Variants in RALGAPA2 observed in about 807,000 individuals in gnomAD.
RALGAPA2 encodes ral GTPase-activating protein subunit alpha-2.
Under a neutral mutation model 230.4 loss-of-function variants are expected in RALGAPA2, and 139 were observed. The observed-to-expected ratio is 0.60, with a 90% CI of 0.53 to 0.69. RALGAPA2 has a LOEUF of 0.69. Among genes scored for constraint, RALGAPA2 ranks in the 30% least tolerant of loss-of-function variants. The pLI, the probability that RALGAPA2 is intolerant of heterozygous loss-of-function variation, is 0.00. For missense variants in RALGAPA2, 2,163 were observed against 2,276.0 expected (o/e 0.95, Z 1.01); for synonymous variants, 847 against 837.8 (o/e 1.01, Z -0.19).
intron 37 of RALGAPA2, among the ~76,000 whole-genome samples, chr20:20,443,073 T>C (rs2060775247): frequency 6.6e-6 from 1 of 152,246 alleles, no homozygotes; most frequent in Admixed American, 6.5e-5. Context: ...TTTAAAGCAT[T>C]CTGACTAAAA....
chr20:20,441,439 C>T (rs1335065570), intron 37 of RALGAPA2, among the ~76,000 whole-genome samples: 1 of 152,208 alleles, frequency 6.6e-6, no homozygotes, highest in African/African-American at 2.4e-5. Flanking sequence ...GCTAGAATGT[C>T]ACCTTGCCCT....
chr20:20,516,284 TG>T (rs1421125305), intron 31 of RALGAPA2, among the ~76,000 whole-genome samples: 1 of 152,168 alleles, frequency 6.6e-6, no homozygotes, highest in Non-Finnish European at 1.5e-5. Context: ...CATAAACTTG[TG>T]GGAGCTTTAC....
chr20:20,659,531 T>A (rs2067698606), intron 3 of RALGAPA2, among the ~76,000 whole-genome samples: 1 of 152,146 alleles, frequency 6.6e-6, no homozygotes, highest in Non-Finnish European at 1.5e-5. Context: ...TACAGATTAA[T>A]CAAAATAATC....
chr20:20,708,871 A>G (rs1433730694), intron 1 of RALGAPA2, among the ~76,000 whole-genome samples: 3 of 152,194 alleles, frequency 2.0e-5, no homozygotes, highest in African/African-American at 7.2e-5. Context: ...TAGGACTCAT[A>G]GTAAGCACTC....
intron 37 of RALGAPA2, among the ~76,000 whole-genome samples, chr20:20,416,007 C>G (rs975753567): frequency 6.6e-6 from 1 of 152,136 alleles, no homozygotes; most frequent in South Asian, 2.1e-4. Flanking sequence ...TCTCAGCTGC[C>G]CTTTTCCCTG....
At chr20:20,431,385 A>G (rs1240516167) in intron 37 of RALGAPA2, among the ~76,000 whole-genome samples, 5 of 152,208 alleles carry the variant, frequency 3.3e-5, no homozygotes, top group Admixed American at 1.3e-4. Flanking sequence ...CACAGCACAG[A>G]GATCTGTACA....
At chr20:20,410,423 A>T (rs1021841272) in intron 38 of RALGAPA2, among the ~76,000 whole-genome samples, 1 of 152,246 alleles carries the variant, frequency 6.6e-6, no homozygotes, top group East Asian at 1.9e-4. Context: ...CTTTCTCAAG[A>T]GTTAAACAAA....
chr20:20,568,854 T>C (rs2064534095), intron 23 of RALGAPA2, among the ~76,000 whole-genome samples: 1 of 152,204 alleles, frequency 6.6e-6, no homozygotes, highest in Admixed American at 6.5e-5. Flanking sequence ...CTGATAATGT[T>C]CAATTTTAAA....
intron 1 of RALGAPA2, among the ~76,000 whole-genome samples, chr20:20,711,750 T>C (rs972465570): frequency 2.6e-5 from 4 of 151,958 alleles, no homozygotes; most frequent in African/African-American, 9.7e-5. Flanking sequence ...AGAAGGCCCC[T>C]TCACACCAAG....
Position 20,712,265 on chromosome 20 carries a change from C to A in RALGAPA2, c.106+110G>T. The A allele has an allele frequency of 1.4e-6, 1 of 720,656 alleles. No individual in the cohort carries two copies. Among genetic ancestry groups the A allele is most frequent in the Non-Finnish European group, 2.1e-6 (1 of 477,258 alleles). 44.6% of individuals were successfully genotyped at this position (720,656 alleles called of 1,614,324 possible). On this transcript the variant is annotated intron_variant, in intron 1 of 39. Transcript: ENST00000202677. This position sits in a 1 kb window ranked among gnomAD's most constrained non-coding sequence, Gnocchi z 5.5. ...TCCAGGGAAGGGGGTCGGACGCCCA[C>A]CCATCCCCCTCCCCAGCCTCCCAGC...
intron 27 of RALGAPA2, among the ~76,000 whole-genome samples, chr20:20,528,952 CCT>C (rs2063298769): frequency 6.6e-6 from 1 of 152,130 alleles, no homozygotes; most frequent in Non-Finnish European, 1.5e-5. Flanking sequence ...CCTAGAGTCC[CCT>C]GTTCTCATAG....
chr20:20,702,043 A>T (rs550682758), intron 1 of RALGAPA2, among the ~76,000 whole-genome samples: 18 of 136,568 alleles, frequency 1.3e-4, no homozygotes, highest in Non-Finnish European at 2.2e-4. Context: ...CCATCTCAAT[A>T]AAAAAAAAAA....
intron 38 of RALGAPA2, among the ~76,000 whole-genome samples, chr20:20,397,162 A>G (rs1319688128): frequency 6.6e-6 from 1 of 152,262 alleles, no homozygotes; most frequent in Non-Finnish European, 1.5e-5. Context: ...TGAAAAAATA[A>G]TTGAAACCCC....
intron 38 of RALGAPA2, among the ~76,000 whole-genome samples, chr20:20,403,207 G>A (rs1161441130): frequency 2.0e-5 from 3 of 152,182 alleles, no homozygotes; most frequent in African/African-American, 7.2e-5. Flanking sequence ...TTCCCGTCTG[G>A]AAGGTGAGCC....
chr20:20,574,177 A>G (rs556120474), intron 20 of RALGAPA2, among the ~76,000 whole-genome samples: 4 of 152,166 alleles, frequency 2.6e-5, no homozygotes, highest in Non-Finnish European at 5.9e-5. Context: ...TGAGGTTTTC[A>G]TTTGCAGTTC....
chr20:20,685,697 C>A (rs920488515), intron 1 of RALGAPA2, among the ~76,000 whole-genome samples: 1 of 152,120 alleles, frequency 6.6e-6, no homozygotes, highest in African/African-American at 2.4e-5. Flanking sequence ...GGAGAAAGAG[C>A]AGGAGGAAAA....
intron 23 of RALGAPA2, among the ~76,000 whole-genome samples, chr20:20,550,151 C>T (rs2063883439): frequency 1.3e-5 from 2 of 152,138 alleles, no homozygotes; most frequent in Admixed American, 1.3e-4. Flanking sequence ...TCCACCCTTT[C>T]CCCCAAGTCC....
At chr20:20,606,644 A>G (rs1295784310) in intron 14 of RALGAPA2, among the ~76,000 whole-genome samples, 1 of 149,526 alleles carries the variant, frequency 6.7e-6, no homozygotes, top group Non-Finnish European at 1.5e-5. Flanking sequence ...CCCCACCACC[A>G]CCTCCCAGCC....
intron 37 of RALGAPA2, among the ~76,000 whole-genome samples, chr20:20,439,224 T>C (rs903141646): frequency 7.9e-5 from 12 of 152,038 alleles, no homozygotes; most frequent in Non-Finnish European, 1.6e-4. Flanking sequence ...TTAGTTTTTT[T>C]TTTTTTGAGA....
Sources: allele counts gnomAD v4.1 joint callset (sites outside exome capture counted in the v4.1 genomes callset), GRCh38; gene constraint gnomAD v4.1.1; non-coding constraint Gnocchi (gnomAD v3.1); transcripts MANE v1.5; gene names NCBI Gene and HGNC (gene_info 2026-07-23, HGNC 2026-07-21).